The following SUSD5 variants were observed in gnomAD, a reference collection of about 807,000 sequenced individuals.
The protein encoded by SUSD5 is sushi domain-containing protein 5.
SUSD5 carries 33 observed loss-of-function variants against 29.5 expected under a neutral mutation model. The ratio of observed to expected loss-of-function variants is 1.12; its 90% CI spans 0.85 to 1.49. The LOEUF is 1.49. Among genes scored for constraint, SUSD5 ranks in the 40% most tolerant of loss-of-function variants. The pLI, the probability that SUSD5 is intolerant of heterozygous loss-of-function variation, is 0.00. For missense variants in SUSD5, 776 were observed against 800.6 expected (o/e 0.97, Z 0.37); for synonymous variants, 308 against 325.3 (o/e 0.95, Z 0.57).
intron 4 of SUSD5, chr3:33,168,499 GA>G (rs765086025): frequency 3.4e-5 from 33 of 984,932 alleles, no homozygotes; most frequent in Non-Finnish European, 3.9e-5. Context: ...GTAGAAATGA[GA>G]AAAGAGCAAA....
At position 33,153,289 on chromosome 3, in the gene SUSD5, G is replaced by A. The variant is rs776079741; in HGVS notation, c.1343C>T (p.Ala448Val). Residue 448 changes from alanine to valine, a missense_variant, in exon 5 of 5, where the codon GCG (alanine) becomes GTG (valine). By Grantham distance (64) the Ala-to-Val change is moderately conservative (BLOSUM62 0). Transcript: ENST00000309558. The part of the protein sequence containing the change: ...PSQMLDVEAL[A>V]LRPVNASETE... ...CTCGGAAGCATTCACGGGTCTGAGC[G>A]CCAAAGCTTCCACATCTAGCATTTG... 26 of 1,613,752 alleles carry A rather than the reference G, an allele frequency of 1.6e-5. No individual in the cohort carries two copies. In the South Asian group the frequency reaches 1.8e-4, roughly 11 times the overall value.
At chr3:33,205,701 G>A (rs893019919) in intron 3 of SUSD5, among the ~76,000 whole-genome samples, 4 of 152,236 alleles carry the variant, frequency 2.6e-5, no homozygotes, top group African/African-American at 9.6e-5. Context: ...TGGATGAGGA[G>A]AAACACATGG....
intron 2 of SUSD5, among the ~76,000 whole-genome samples, chr3:33,208,929 C>T (rs2032271819): frequency 6.6e-6 from 1 of 152,082 alleles, no homozygotes; most frequent in South Asian, 2.1e-4. Flanking sequence ...TTCTTTTTTG[C>T]CTCTCCAGTC....
rs1424029870 is a variant in SUSD5 at position 33,151,076 on chromosome 3, A to G, written c.*1666T>C. ...GCCTGACTTCCACACAACACACACC[A>G]CATACTCATCTGTGCCTTTAGGGCT... On this transcript the variant is annotated 3_prime_UTR_variant, in exon 5 of 5. Coordinates refer to ENST00000309558, the MANE Select transcript of SUSD5 (RefSeq NM_015551.2). The G allele has an allele frequency of 6.6e-6, 1 of 152,242 alleles. No individual in the cohort carries two copies. Among genetic ancestry groups the G allele is most frequent in the African/African-American group, 2.4e-5 (1 of 41,426 alleles). 9.4% of individuals were successfully genotyped at this position (152,242 alleles called of 1,614,324 possible).
chr3:33,203,676 C>A (rs1184839406), intron 3 of SUSD5, among the ~76,000 whole-genome samples: 1 of 152,154 alleles, frequency 6.6e-6, no homozygotes, highest in Non-Finnish European at 1.5e-5. Flanking sequence ...GCTCAGGGAG[C>A]CCAAAAGCTG....
chr3:33,198,290 A>G lies in SUSD5; in HGVS notation c.409+9518T>C, dbSNP rs117367573. 1.5e-3 allele frequency among the ~76,000 whole-genome samples: 223 copies of G among 152,328 alleles called. 7 individuals carry two copies. The East Asian group carries it at 0.042, about 29-fold the overall frequency. ...ACAAATCTATGTCATGGGTTCTAAT[A>G]TTATTCCCAAGGCAAGTTAGGTGGT... On this transcript the variant is annotated intron_variant, in intron 3 of 4. Coordinates refer to ENST00000309558, the MANE Select transcript of SUSD5 (RefSeq NM_015551.2).
intron 4 of SUSD5, among the ~76,000 whole-genome samples, chr3:33,164,000 A>G (rs1559445575): frequency 6.6e-6 from 1 of 152,052 alleles, no homozygotes; most frequent in African/African-American, 2.4e-5. Context: ...ACTCCGTCTC[A>G]AAAAACAAAA....
rs767037824 is a variant in SUSD5, at chr3:33,218,789, G to T, written c.9C>A (p.Ala3=). MT[A]EGPSPPARWH... Reference sequence around the variant, plus strand: ...AACGGGCAGGCGGGCTGGGTCCCTCGGCAGTCATGGTCCGGGAGTGCGCGG... The same window carrying T: ...AACGGGCAGGCGGGCTGGGTCCCTCTGCAGTCATGGTCCGGGAGTGCGCGG... Residue 3 remains alanine (A), a synonymous_variant, in exon 1 of 5, where the codon GCC becomes GCA. Transcript: ENST00000309558. The T allele has an allele frequency of 2.8e-6, 4 of 1,445,008 alleles. No homozygotes were observed. The Admixed American group carries it at 7.9e-5, about 29-fold the overall frequency. 89.5% of individuals were successfully genotyped at this position (1,445,008 alleles called of 1,614,324 possible). A position where few individuals can be genotyped will look rare whatever the true frequency, so the allele number is the denominator to read the frequency against.
chr3:33,157,751 G>A (rs114599887), intron 4 of SUSD5, among the ~76,000 whole-genome samples: 1 of 152,184 alleles, frequency 6.6e-6, no homozygotes, highest in Non-Finnish European at 1.5e-5. Context: ...GCTGCCATGT[G>A]AACAAACCTG....
At chr3:33,168,517 T>C in intron 4 of SUSD5, 1 of 985,374 alleles carries the variant, frequency 1.0e-6, no homozygotes, top group Non-Finnish European at 1.2e-6. Flanking sequence ...CAAAGGAACT[T>C]ACTGAGGGGA....
At chr3:33,188,007 A>G (rs938450533) in intron 3 of SUSD5, among the ~76,000 whole-genome samples, 2 of 152,164 alleles carry the variant, frequency 1.3e-5, no homozygotes, top group Non-Finnish European at 1.5e-5. Context: ...TTCAACATCA[A>G]GAGATATATC....
intron 3 of SUSD5, among the ~76,000 whole-genome samples, chr3:33,194,964 G>A (rs62250559): frequency 1.3e-5 from 2 of 152,224 alleles, no homozygotes; most frequent in African/African-American, 4.8e-5. Context: ...GGAGGCCGAG[G>A]TGGGTGGATC....
Position 33,153,657 on chromosome 3 carries a change from A to T in SUSD5, c.975T>A (p.Ser325Arg), listed in dbSNP as rs775997469. ...KKQFSAGDNH[S>R]GVKLVPGEPE... ...GTTCACCTGGGACCAATTTTACACCACTGTGGTTGTCTCCAGCAGAAAACT... is the reference window on the plus strand; with the variant it reads ...GTTCACCTGGGACCAATTTTACACCTCTGTGGTTGTCTCCAGCAGAAAACT... Residue 325 changes from serine to arginine, a missense_variant, in exon 5 of 5, where the codon AGT (serine) becomes AGA (arginine). Transcript: ENST00000309558. 1 of 1,613,754 alleles carries T rather than the reference A, an allele frequency of 6.2e-7. No individual in the cohort carries two copies. The highest frequency in any genetic ancestry group is 8.5e-7 in the Non-Finnish European group (1 of 1,179,820).
At position 33,153,058 on chromosome 3, in the gene SUSD5, G is replaced by A. The variant is rs1485407157; in HGVS notation, c.1574C>T (p.Thr525Ile). 2 of 1,613,740 alleles carry A rather than the reference G, an allele frequency of 1.2e-6. No homozygotes were observed. Among genetic ancestry groups the A allele is most frequent in the Non-Finnish European group, 1.7e-6 (2 of 1,179,828 alleles). Residue 525 changes from threonine to isoleucine, a missense_variant, in exon 5 of 5, where the codon ACT becomes ATT. By Grantham distance (89) the Thr-to-Ile change is moderately conservative (BLOSUM62 -1). Transcript: ENST00000309558. Reference sequence around the variant, plus strand: ...GAAGCTATCCTGGATCTCAGGAACAGTGGTTTCTACTGGAGGCTGGGTGGT... The same window carrying A: ...GAAGCTATCCTGGATCTCAGGAACAATGGTTTCTACTGGAGGCTGGGTGGT... ...MATTQPPVET[T>I]VPEIQDSFPY...
chr3:33,175,656 G>A (rs55950485), intron 3 of SUSD5, among the ~76,000 whole-genome samples: 21,695 of 151,400 alleles, frequency 0.14, 1,720 homozygotes, highest in South Asian at 0.25. Flanking sequence ...GATTTATATC[G>A]TATGTATTAT....
At chr3:33,192,096 C>T (rs1161027071) in intron 3 of SUSD5, among the ~76,000 whole-genome samples, 3 of 149,394 alleles carry the variant, frequency 2.0e-5, no homozygotes, top group African/African-American at 7.4e-5. Context: ...TTTTTTGAGA[C>T]AGAGCCTTGC....
In SUSD5 at chr3:33,153,008, A is replaced by G. The variant is rs142722850; in HGVS notation, c.1624T>C (p.Phe542Leu). The G allele has an allele frequency of 5.0e-6, 8 of 1,613,852 alleles. No homozygotes were observed. The African/African-American group carries it at 5.3e-5, about 11-fold the overall frequency. ...CCTGGCCCGGGGCCTTCCTGTCCAAAGAAGTCTTCAGACAGCAGGTATGGG... is the reference window on the plus strand; with the variant it reads ...CCTGGCCCGGGGCCTTCCTGTCCAAGGAAGTCTTCAGACAGCAGGTATGGG... ...SFPYLLSEDF[F>L]GQEGPGPGAS... Residue 542 changes from phenylalanine (F) to leucine (L), a missense_variant, in exon 5 of 5, where the codon TTT becomes CTT. Coordinates refer to ENST00000309558, the MANE Select transcript of SUSD5 (RefSeq NM_015551.2).
Position 33,213,974 on chromosome 3 carries a change from A to G in SUSD5, c.244T>C (p.Ser82Pro), listed in dbSNP as rs762284965. 1 of 1,613,004 alleles carries G rather than the reference A, an allele frequency of 6.2e-7. No individual in the cohort carries two copies. The highest frequency in any genetic ancestry group is 8.5e-7 in the Non-Finnish European group (1 of 1,179,468). Residue 82 changes from serine to proline, a missense_variant, in exon 2 of 5, where the codon TCC (serine) becomes CCC (proline). Transcript: ENST00000309558. ...CAGCCAGTGGTGCACACCGCAAAGGAGCAATCCTGTACCACTCTCCGCAGC... is the reference window on the plus strand; with the variant it reads ...CAGCCAGTGGTGCACACCGCAAAGGGGCAATCCTGTACCACTCTCCGCAGC... ...DELRRVVQDC[S>P]FAVCTTGWLA...
intron 4 of SUSD5, among the ~76,000 whole-genome samples, chr3:33,158,125 T>C (rs2031095273): frequency 6.6e-6 from 1 of 152,196 alleles, no homozygotes; most frequent in Admixed American, 6.5e-5. Context: ...ACAGCTCAGA[T>C]CCCAAGCTTC....
Sources: allele counts gnomAD v4.1 joint callset (sites outside exome capture counted in the v4.1 genomes callset), GRCh38; gene constraint gnomAD v4.1.1; transcripts MANE v1.5; gene names NCBI Gene and HGNC (gene_info 2026-07-23, HGNC 2026-07-21).